Variants in GALNT10 observed in about 807,000 individuals in gnomAD.
The protein encoded by GALNT10 is GalNAc transferase 10.
Under a neutral mutation model 75.0 loss-of-function variants are expected in GALNT10, and 41 were observed. That is an observed-to-expected ratio of 0.55 (90% CI 0.43 to 0.71). The LOEUF (loss-of-function observed/expected upper bound fraction) is 0.71. GALNT10 is among the 30% of genes least tolerant of loss of function. The probability of loss-of-function intolerance (pLI) is 0.00; values close to 1 mark genes in which losing one functional copy is unlikely to be tolerated. For missense variants in GALNT10, 727 were observed against 818.5 expected (o/e 0.89, Z 1.36); for synonymous variants, 302 against 313.0 (o/e 0.96, Z 0.37).
At chr5:154,353,658 C>T (rs1554099968) in intron 4 of GALNT10, among the ~76,000 whole-genome samples, 1 of 152,222 alleles carries the variant, frequency 6.6e-6, no homozygotes, top group Non-Finnish European at 1.5e-5. Context: ...CCCTGAGGGC[C>T]TGAGATTCTA....
chr5:154,282,060 C>A (rs1754046219), intron 1 of GALNT10, among the ~76,000 whole-genome samples: 1 of 152,172 alleles, frequency 6.6e-6, no homozygotes, highest in South Asian at 2.1e-4. Context: ...GTCACAGTTC[C>A]TGAGGCTGGG....
intron 1 of GALNT10, among the ~76,000 whole-genome samples, chr5:154,227,963 T>C (rs911069089): frequency 1.3e-5 from 2 of 152,096 alleles, no homozygotes; most frequent in African/African-American, 4.8e-5. Flanking sequence ...CATGGCTTGG[T>C]GCTGTCTTCA....
intron 3 of GALNT10, among the ~76,000 whole-genome samples, chr5:154,328,962 C>A (rs1176428479): frequency 6.6e-6 from 1 of 152,104 alleles, no homozygotes; most frequent in African/African-American, 2.4e-5. Context: ...CTGTCCCCTT[C>A]CTGGAGGATG....
chr5:154,240,408 G>C (rs1753313655), intron 1 of GALNT10, among the ~76,000 whole-genome samples: 1 of 152,222 alleles, frequency 6.6e-6, no homozygotes, highest in Non-Finnish European at 1.5e-5. Flanking sequence ...GACTGCAAGT[G>C]TTAGTGAGGT....
At chr5:154,381,780 C>G (rs1755739049) in intron 6 of GALNT10, among the ~76,000 whole-genome samples, 1 of 152,244 alleles carries the variant, frequency 6.6e-6, no homozygotes. Flanking sequence ...CTTCAGATCT[C>G]TGTTTCCTTC....
At chr5:154,362,670 G>A (rs962941247) in intron 4 of GALNT10, among the ~76,000 whole-genome samples, 3 of 152,142 alleles carry the variant, frequency 2.0e-5, no homozygotes, top group Non-Finnish European at 2.9e-5. Flanking sequence ...GGGGGTCTTC[G>A]AGGCTACACA....
chr5:154,398,550 A>G (rs559974192), intron 7 of GALNT10, among the ~76,000 whole-genome samples: 22 of 152,246 alleles, frequency 1.4e-4, no homozygotes, highest in Admixed American at 2.6e-4. Context: ...TGGGCTGGGG[A>G]TGGAGATAGC....
intron 1 of GALNT10, among the ~76,000 whole-genome samples, chr5:154,277,784 G>A (rs1753973948): frequency 6.6e-6 from 1 of 152,124 alleles, no homozygotes; most frequent in Non-Finnish European, 1.5e-5. Context: ...TTACTCATGT[G>A]GTACTCATTA....
chr5:154,411,660 A>G (rs972150188), intron 9 of GALNT10, among the ~76,000 whole-genome samples: 3 of 152,218 alleles, frequency 2.0e-5, no homozygotes, highest in Non-Finnish European at 2.9e-5. Context: ...GCCTACCCCA[A>G]CATCACCTCC....
intron 1 of GALNT10, among the ~76,000 whole-genome samples, chr5:154,271,295 C>T (rs368250845): frequency 1.3e-4 from 19 of 151,934 alleles, no homozygotes; most frequent in African/African-American, 4.1e-4. Context: ...GATAAAACCC[C>T]GTCTCTGCTA....
intron 4 of GALNT10, among the ~76,000 whole-genome samples, chr5:154,335,069 T>A (rs1318407338): frequency 6.6e-6 from 1 of 152,230 alleles, no homozygotes; most frequent in Non-Finnish European, 1.5e-5. Flanking sequence ...GCAGCCTTAG[T>A]TTGCTTCTGA....
chr5:154,247,077 C>T (rs1297341806), intron 1 of GALNT10, among the ~76,000 whole-genome samples: 1 of 152,176 alleles, frequency 6.6e-6, no homozygotes, highest in Non-Finnish European at 1.5e-5. Context: ...ATGCTTTCCC[C>T]ATTTCTTGTT....
chr5:154,361,258 T>C (rs1755382212), intron 4 of GALNT10, among the ~76,000 whole-genome samples: 1 of 152,072 alleles, frequency 6.6e-6, no homozygotes, highest in Non-Finnish European at 1.5e-5. Flanking sequence ...GAAAGCACAG[T>C]AGTTAGGAGC....
chr5:154,248,614 T>G (rs995769749), intron 1 of GALNT10, among the ~76,000 whole-genome samples: 1 of 152,262 alleles, frequency 6.6e-6, no homozygotes, highest in Admixed American at 6.5e-5. Flanking sequence ...GTTTATAGTA[T>G]TCTCTGATGG....
In GALNT10 at chr5:154,412,164, C is replaced by G. The variant is rs1482362738; in HGVS notation, c.1387-725C>G. ...TGGTGCATTTTCATAGCCACCACAG[C>G]CCCCTATCCCTCAGATAAAGTAGGA... On this transcript the variant is annotated intron_variant, in intron 9 of 11. Coordinates refer to ENST00000297107, the MANE Select transcript of GALNT10 (RefSeq NM_198321.4). This position sits in a 1 kb window ranked among gnomAD's most constrained non-coding sequence, Gnocchi z 4.2. Among the ~76,000 whole-genome samples the G allele has an allele frequency of 6.6e-6, 1 of 152,170 alleles. No homozygotes were observed. Among genetic ancestry groups the G allele is most frequent in the Non-Finnish European group, 1.5e-5 (1 of 68,032 alleles).
rs140443366 is a variant in GALNT10 at position 154,227,690 on chromosome 5, G to A, written c.159+36665G>A. ...TTGATTGATCAATTTGTTCTTTTAT[G>A]TATTATGCTTTTGGTGTTGTATCTA... On this transcript the variant is annotated intron_variant, in intron 1 of 11. Coordinates refer to ENST00000297107, the MANE Select transcript of GALNT10 (RefSeq NM_198321.4). Among the ~76,000 whole-genome samples, 259 of 151,068 alleles carry A rather than the reference G, an allele frequency of 1.7e-3. 1 individual carries two copies. Among genetic ancestry groups the A allele is most frequent in the African/African-American group, 5.9e-3 (245 of 41,242 alleles).
At chr5:154,281,184 T>C (rs1581953726) in intron 1 of GALNT10, among the ~76,000 whole-genome samples, 1 of 152,258 alleles carries the variant, frequency 6.6e-6, no homozygotes, top group Non-Finnish European at 1.5e-5. Flanking sequence ...TTGAGTCTTC[T>C]GACCAATAAA....
chr5:154,399,582 A>G (rs1176982412), intron 7 of GALNT10, among the ~76,000 whole-genome samples: 1 of 152,210 alleles, frequency 6.6e-6, no homozygotes, highest in Non-Finnish European at 1.5e-5. Context: ...GATTACTGGA[A>G]GCAAAAAAGA....
chr5:154,261,236 C>G (rs1361188103), intron 1 of GALNT10, among the ~76,000 whole-genome samples: 4 of 151,902 alleles, frequency 2.6e-5, no homozygotes, highest in Non-Finnish European at 5.9e-5. Context: ...AGAGAAAGTT[C>G]TGATGGCTCA....
Sources: allele counts gnomAD v4.1 joint callset (sites outside exome capture counted in the v4.1 genomes callset), GRCh38; gene constraint gnomAD v4.1.1; non-coding constraint Gnocchi (gnomAD v3.1); transcripts MANE v1.5; gene names NCBI Gene and HGNC (gene_info 2026-07-23, HGNC 2026-07-21).